The following DTNBP1 variants were observed in gnomAD, a reference collection of about 807,000 sequenced individuals.
The protein encoded by DTNBP1 is dystrobrevin binding protein 1.
DTNBP1 carries 35 observed loss-of-function variants against 42.8 expected under a neutral mutation model. The ratio of observed to expected loss-of-function variants is 0.82; its 90% CI spans 0.63 to 1.09. DTNBP1 has a LOEUF of 1.09. Ranked by LOEUF, DTNBP1 falls within the 50% of genes least tolerant of loss-of-function variation. The probability of loss-of-function intolerance (pLI) is 0.00; values close to 1 mark genes in which losing one functional copy is unlikely to be tolerated. For missense variants in DTNBP1, 457 were observed against 424.2 expected (o/e 1.08, Z -0.68); for synonymous variants, 171 against 162.2 (o/e 1.05, Z -0.41).
intron 4 of DTNBP1, among the ~76,000 whole-genome samples, chr6:15,630,248 G>C (rs1476501100): frequency 6.6e-6 from 1 of 152,156 alleles, no homozygotes; most frequent in Admixed American, 6.5e-5. Flanking sequence ...ACACAAGTTT[G>C]ATAAGCAGAA....
intron 7 of DTNBP1, among the ~76,000 whole-genome samples, chr6:15,560,712 G>A (rs533621129): frequency 1.1e-4 from 17 of 152,330 alleles, no homozygotes; most frequent in African/African-American, 4.1e-4. Context: ...TTGACCTGTG[G>A]TAAGTAAAGA....
chr6:15,584,125 T>C (rs376599929), intron 7 of DTNBP1, among the ~76,000 whole-genome samples: 1 of 152,162 alleles, frequency 6.6e-6, no homozygotes. Context: ...TACATAAATA[T>C]AAGCCAGCTT....
chr6:15,536,711 C>A (rs1773250014), intron 7 of DTNBP1, among the ~76,000 whole-genome samples: 1 of 152,198 alleles, frequency 6.6e-6, no homozygotes, highest in Admixed American at 6.5e-5. Flanking sequence ...CCACAGAGTC[C>A]CCACTGGGGC....
chr6:15,587,536 T>A lies in DTNBP1; in HGVS notation c.511+5523A>T, dbSNP rs539369074. ...TACGAAGCTACACTAGTCAAGGCAG[T>A]GTGGCACTGGCAATAAGGAACAAAG... On this transcript the variant is annotated intron_variant, in intron 7 of 9. Coordinates refer to ENST00000344537, the MANE Select transcript of DTNBP1 (RefSeq NM_032122.5). The surrounding 1 kb of genome is among the most constrained non-coding windows in gnomAD (Gnocchi z 4.1). Among the ~76,000 whole-genome samples the A allele has an allele frequency of 1.1e-4, 16 of 152,322 alleles. No individual in the cohort carries two copies. In the South Asian group the frequency reaches 3.3e-3, roughly 32 times the overall value.
At chr6:15,656,516 A>G (rs1019058525) in intron 1 of DTNBP1, among the ~76,000 whole-genome samples, 8 of 152,190 alleles carry the variant, frequency 5.3e-5, no homozygotes, top group Admixed American at 3.9e-4. Flanking sequence ...GGTGACTCAC[A>G]AAACTGCTTA....
At chr6:15,576,782 A>AG (rs1460278432) in intron 7 of DTNBP1, among the ~76,000 whole-genome samples, 31 of 151,810 alleles carry the variant, frequency 2.0e-4, no homozygotes, top group African/African-American at 6.3e-4. Context: ...AAAAAAAAAA[A>AG]AAAAAAAAGT....
At chr6:15,569,043 C>G (rs1428478782) in intron 7 of DTNBP1, among the ~76,000 whole-genome samples, 1 of 152,172 alleles carries the variant, frequency 6.6e-6, no homozygotes, top group Non-Finnish European at 1.5e-5. Flanking sequence ...CACAGGCTAA[C>G]AAGAATTACA....
intron 7 of DTNBP1, among the ~76,000 whole-genome samples, chr6:15,540,094 G>A (rs888737599): frequency 3.3e-5 from 5 of 152,108 alleles, no homozygotes; most frequent in African/African-American, 1.2e-4. Context: ...GACTCACTAT[G>A]CACTGAAAAT....
intron 5 of DTNBP1, among the ~76,000 whole-genome samples, chr6:15,623,030 A>G (rs1239614588): frequency 6.6e-6 from 1 of 152,212 alleles, no homozygotes; most frequent in Non-Finnish European, 1.5e-5. Flanking sequence ...CTTACGTTAC[A>G]CTTTTATGTA....
chr6:15,593,137 A>C, intron 6 of DTNBP1, 56 bp from the exon 7 acceptor site: 1 of 1,468,164 alleles, frequency 6.8e-7, no homozygotes, highest in Admixed American at 2.2e-5. Flanking sequence ...CTCCCCAATG[A>C]AAACTGTTCT....
At chr6:15,645,526 A>G (rs1172840037) in intron 3 of DTNBP1, among the ~76,000 whole-genome samples, 3 of 152,002 alleles carry the variant, frequency 2.0e-5, no homozygotes, top group African/African-American at 7.2e-5. Flanking sequence ...AAACATAGAC[A>G]CAAAAATCCT....
At chr6:15,558,791 T>C (rs950134321) in intron 7 of DTNBP1, among the ~76,000 whole-genome samples, 1 of 152,236 alleles carries the variant, frequency 6.6e-6, no homozygotes, top group African/African-American at 2.4e-5. Context: ...AAGAAAACTT[T>C]TCTTTTGAGC....
intron 6 of DTNBP1, among the ~76,000 whole-genome samples, chr6:15,597,720 T>C (rs1776570836): frequency 6.6e-6 from 1 of 152,244 alleles, no homozygotes; most frequent in Non-Finnish European, 1.5e-5. Context: ...ATCTCTTCCA[T>C]CCTGCATCAC....
intron 7 of DTNBP1, among the ~76,000 whole-genome samples, chr6:15,560,585 A>G (rs1172005966): frequency 6.6e-6 from 1 of 152,216 alleles, no homozygotes; most frequent in Non-Finnish European, 1.5e-5. Context: ...CTGAAATGGC[A>G]TGCTTTCAAA....
intron 8 of DTNBP1, among the ~76,000 whole-genome samples, chr6:15,526,673 G>A (rs780179377): frequency 8.5e-5 from 13 of 152,180 alleles, no homozygotes; most frequent in Non-Finnish European, 7.3e-5. Flanking sequence ...TTGAAGGCAC[G>A]CTGGTCAGGC....
chr6:15,659,351 T>C (rs1024628574), intron 1 of DTNBP1, among the ~76,000 whole-genome samples: 1 of 152,140 alleles, frequency 6.6e-6, no homozygotes, highest in African/African-American at 2.4e-5. Flanking sequence ...AGCCCAGAAA[T>C]GCCTGAGGCC....
chr6:15,529,978 C>T (rs1772701394), intron 8 of DTNBP1, among the ~76,000 whole-genome samples: 2 of 152,400 alleles, frequency 1.3e-5, no homozygotes, highest in South Asian at 4.1e-4. Context: ...GGGGGGCCAC[C>T]TGGCCTCAGC....
At chr6:15,607,901 C>T (rs1237988167) in intron 6 of DTNBP1, among the ~76,000 whole-genome samples, 1 of 152,198 alleles carries the variant, frequency 6.6e-6, no homozygotes, top group Admixed American at 6.5e-5. Context: ...CAGCTCTCTC[C>T]ACCTTTCTGC....
At chr6:15,534,560 T>G (rs1773096309) in intron 7 of DTNBP1, among the ~76,000 whole-genome samples, 1 of 149,664 alleles carries the variant, frequency 6.7e-6, no homozygotes, top group African/African-American at 2.5e-5. Context: ...CTCAGGAGAC[T>G]GAGGCAGGAG....
Sources: allele counts gnomAD v4.1 joint callset (sites outside exome capture counted in the v4.1 genomes callset), GRCh38; gene constraint gnomAD v4.1.1; non-coding constraint Gnocchi (gnomAD v3.1); transcripts MANE v1.5; gene names NCBI Gene and HGNC (gene_info 2026-07-23, HGNC 2026-07-21).